The following CAMK1D variants were observed in gnomAD, a reference collection of about 807,000 sequenced individuals.
CAMK1D encodes the protein calcium/calmodulin-dependent protein kinase type 1D.
Under a neutral mutation model 47.7 loss-of-function variants are expected in CAMK1D, and 9 were observed. The observed-to-expected ratio is 0.19, with a 90% CI of 0.11 to 0.33. CAMK1D has a LOEUF of 0.33. Ranked by LOEUF, CAMK1D falls within the 10% of genes least tolerant of loss-of-function variation. The probability of loss-of-function intolerance (pLI) is 1.00; values close to 1 mark genes in which losing one functional copy is unlikely to be tolerated. For missense variants in CAMK1D, 291 were observed against 488.7 expected, an observed-to-expected ratio of 0.60 and a Z score of 3.81; for synonymous variants, 184 against 184.9, an observed-to-expected ratio of 0.99 and a Z score of 0.04.
intron 1 of CAMK1D, among the ~76,000 whole-genome samples, chr10:12,425,643 C>T (rs1264956230): frequency 2.6e-5 from 4 of 152,202 alleles, no homozygotes; most frequent in African/African-American, 9.7e-5. Context: ...CACTTACTGC[C>T]TGGGATCCGA....
Position 12,712,670 on chromosome 10 carries a change from G to A in CAMK1D, c.299+45860G>A, listed in dbSNP as rs376512104. Among the ~76,000 whole-genome samples the A allele has an allele frequency of 1.6e-4, 24 of 152,216 alleles. 1 individual carries two copies. The highest frequency in any genetic ancestry group is 7.8e-4 in the Admixed American group (12 of 15,296). ...TTGTTTGACATCATCTAACCTGATC[G>A]TCTCCCAAAGGCTCCATCTCCTAAT... On this transcript the variant is annotated intron_variant, in intron 3 of 10. Transcript: ENST00000619168.
At chr10:12,812,657 C>G (rs184887432) in intron 6 of CAMK1D, among the ~76,000 whole-genome samples, 1 of 152,126 alleles carries the variant, frequency 6.6e-6, no homozygotes, top group Non-Finnish European at 1.5e-5. Flanking sequence ...GTGGCTGCCA[C>G]CCTCTGGGTT....
intron 1 of CAMK1D, among the ~76,000 whole-genome samples, chr10:12,443,653 G>A (rs1009020191): frequency 3.3e-5 from 5 of 151,672 alleles, no homozygotes; most frequent in African/African-American, 9.7e-5. Context: ...TTTTTGAGAC[G>A]GAGTCTCGTT....
chr10:12,768,563 C>T (rs778760898), intron 4 of CAMK1D, among the ~76,000 whole-genome samples: 22 of 152,128 alleles, frequency 1.4e-4, no homozygotes, highest in Non-Finnish European at 3.2e-4. Context: ...GAAACGATTC[C>T]TCATTCACTG....
chr10:12,484,061 C>A (rs936847246), intron 1 of CAMK1D, among the ~76,000 whole-genome samples: 4 of 152,098 alleles, frequency 2.6e-5, no homozygotes, highest in African/African-American at 9.7e-5. Flanking sequence ...GGTTGGTGCC[C>A]GCAGCCACAA....
chr10:12,427,700 G>GTTTTTTGTTTTTTTTT lies in CAMK1D; in HGVS notation c.92+77796_92+77797insGTTTTTTTTTTTTTTT, dbSNP rs1840284197. 2.1e-3 allele frequency among the ~76,000 whole-genome samples: 64 copies of GTTTTTTGTTTTTTTTT among 31,050 alleles called. 4 individuals carry two copies. Among genetic ancestry groups the GTTTTTTGTTTTTTTTT allele is most frequent in the Non-Finnish European group, 2.5e-3 (41 of 16,198 alleles). The allele number at this position is 31,050 out of a possible 152,430, so 20.4% of individuals were successfully genotyped here. On this transcript the variant is annotated intron_variant, in intron 1 of 10. Coordinates refer to ENST00000619168, the MANE Select transcript of CAMK1D (RefSeq NM_153498.4). The stretch of plus-strand genomic sequence containing the variant: ...CTTTCCTGGCTTCACTGAACTTACT[G>GTTTTTTGTTTTTTTTT]TTTTTTTTTTTTTTTTTTTTTTTTT...
At chr10:12,358,488 G>T (rs563841558) in intron 1 of CAMK1D, among the ~76,000 whole-genome samples, 3 of 152,266 alleles carry the variant, frequency 2.0e-5, no homozygotes, top group Non-Finnish European at 2.9e-5. Context: ...GGCCGAGATT[G>T]TGCCACTCCA....
intron 3 of CAMK1D, among the ~76,000 whole-genome samples, chr10:12,759,285 T>C (rs1377051240): frequency 6.6e-6 from 1 of 152,094 alleles, no homozygotes; most frequent in Admixed American, 6.6e-5. Flanking sequence ...GCCCTGTAGG[T>C]CAAGGCTGCA....
chr10:12,735,180 A>C (rs1835123366), intron 3 of CAMK1D, among the ~76,000 whole-genome samples: 1 of 152,238 alleles, frequency 6.6e-6, no homozygotes. Flanking sequence ...TGTGAGTTTA[A>C]GAAACGAAAG....
chr10:12,646,921 A>G (rs952687867), intron 2 of CAMK1D, among the ~76,000 whole-genome samples: 3 of 151,902 alleles, frequency 2.0e-5, no homozygotes, highest in Non-Finnish European at 2.9e-5. Context: ...GGCTCACTGC[A>G]ATTTGCTCCT....
intron 1 of CAMK1D, among the ~76,000 whole-genome samples, chr10:12,366,586 G>A (rs945455434): frequency 6.6e-6 from 1 of 152,122 alleles, no homozygotes; most frequent in Admixed American, 6.6e-5. Flanking sequence ...TTGAACCTAG[G>A]AGGTGGGGGT....
intron 1 of CAMK1D, among the ~76,000 whole-genome samples, chr10:12,438,925 T>A (rs895069242): frequency 6.6e-6 from 1 of 152,274 alleles, no homozygotes. Context: ...TTTAATTTTT[T>A]AAGAAAGACT....
intron 2 of CAMK1D, among the ~76,000 whole-genome samples, chr10:12,618,407 A>C (rs1022989793): frequency 5.3e-5 from 8 of 152,080 alleles, no homozygotes; most frequent in South Asian, 4.1e-4. Flanking sequence ...TCTCTAGTTC[A>C]TTGTTTATAG....
At chr10:12,623,123 T>TCCTTCTTCCCTTCTTCCCTC (rs772469311) in intron 2 of CAMK1D, among the ~76,000 whole-genome samples, 2 of 17,648 alleles carry the variant, frequency 1.1e-4, no homozygotes, top group African/African-American at 4.5e-4. Flanking sequence ...CTTCCTTCTT[T>TCCTTCTTCCCTTCTTCCCTC]CCTTCCTCCC....
intron 6 of CAMK1D, among the ~76,000 whole-genome samples, chr10:12,804,021 G>T (rs745804496): frequency 5.2e-4 from 79 of 152,140 alleles, no homozygotes; most frequent in Non-Finnish European, 9.3e-4. Context: ...CCGTTGTTGG[G>T]GCCCTGGATG....
intron 1 of CAMK1D, among the ~76,000 whole-genome samples, chr10:12,428,484 A>G (rs1436114799): frequency 6.6e-6 from 1 of 152,084 alleles, no homozygotes; most frequent in Non-Finnish European, 1.5e-5. Context: ...CTCTCTGCTA[A>G]TACCACCTTG....
At chr10:12,745,567 T>C (rs1372610139) in intron 3 of CAMK1D, among the ~76,000 whole-genome samples, 1 of 152,150 alleles carries the variant, frequency 6.6e-6, no homozygotes, top group Non-Finnish European at 1.5e-5. Context: ...TTTAGTTTTG[T>C]TTTTCCAAAT....
At chr10:12,823,208 A>C (rs1020453628) in intron 8 of CAMK1D, among the ~76,000 whole-genome samples, 10 of 152,206 alleles carry the variant, frequency 6.6e-5, no homozygotes, top group African/African-American at 2.4e-4. Context: ...TTTAATGTCC[A>C]GGGCAGTCAG....
intron 3 of CAMK1D, among the ~76,000 whole-genome samples, chr10:12,724,436 G>A (rs1834527172): frequency 6.6e-6 from 1 of 152,204 alleles, no homozygotes; most frequent in African/African-American, 2.4e-5. Flanking sequence ...TAGGATAGGA[G>A]TCACTTCACT....
Sources: gnomAD v4.1 joint callset for allele counts (sites outside exome capture counted in the v4.1 genomes callset) on GRCh38, gnomAD v4.1.1 for gene constraint, MANE v1.5 for transcripts, NCBI Gene and HGNC (gene_info 2026-07-23, HGNC 2026-07-21) for gene names.